The following SV2B variants were observed in gnomAD, a reference collection of about 807,000 sequenced individuals.
SV2B encodes solute carrier family 22 member B2.
A neutral mutation model predicts 73.9 loss-of-function variants in SV2B; 41 were observed. The observed-to-expected ratio is 0.56, with a 90% CI of 0.43 to 0.72. SV2B has a LOEUF of 0.72. Ranked by LOEUF, SV2B falls within the 30% of genes least tolerant of loss-of-function variation. The pLI is 0.00. For synonymous variants in SV2B, 314 were observed against 314.2 expected, an observed-to-expected ratio of 1.00 and a Z score of 0.01; for missense variants, 764 against 857.8, an observed-to-expected ratio of 0.89 and a Z score of 1.37.
At position 91,141,888 on chromosome 15, in the gene SV2B, A is replaced by T. The variant is rs2043007708; in HGVS notation, c.-392+41525A>T. Among the ~76,000 whole-genome samples the T allele has an allele frequency of 6.6e-6, 1 of 152,178 alleles. No individual in the cohort carries two copies. Among genetic ancestry groups the T allele is most frequent in the African/African-American group, 2.4e-5 (1 of 41,436 alleles). ...CTGACACTGTCGGACGGGAATTGGC[A>T]GTAGAGAACACAGGGTCCCACAGTG... On this transcript the variant is annotated intron_variant, in intron 1 of 12. Transcript: ENST00000394232. The surrounding 1 kb of genome is among the most constrained non-coding windows in gnomAD (Gnocchi z 4.6).
chr15:91,216,871 G>T (rs1366093010), intron 1 of SV2B, among the ~76,000 whole-genome samples: 3 of 149,292 alleles, frequency 2.0e-5, no homozygotes, highest in African/African-American at 7.5e-5. Context: ...CATCAGCAAG[G>T]CACTGAATAA....
intron 1 of SV2B, among the ~76,000 whole-genome samples, chr15:91,154,432 C>T (rs935483636): frequency 6.6e-6 from 1 of 152,114 alleles, no homozygotes; most frequent in Non-Finnish European, 1.5e-5. Context: ...GAATATTAGA[C>T]AGGCAGATTG....
rs772007835 is a variant in SV2B at position 91,239,808 on chromosome 15, T to C, written c.452-12011T>C. 6.6e-6 allele frequency among the ~76,000 whole-genome samples: 1 copy of C among 152,218 alleles called. No homozygotes were observed. Among genetic ancestry groups the C allele is most frequent in the Non-Finnish European group, 1.5e-5 (1 of 68,042 alleles). ...GTGGTACCAGAGTTGGTTCGATGAC[T>C]CACTGATGTCAGGGCATGAGGTTGG... On this transcript the variant is annotated intron_variant, in intron 2 of 12. Coordinates refer to ENST00000394232, the MANE Select transcript of SV2B (RefSeq NM_001323032.3). The surrounding 1 kb of genome is among the most constrained non-coding windows in gnomAD (Gnocchi z 5.1).
chr15:91,197,640 A>G lies in SV2B; in HGVS notation c.-391-28233A>G, dbSNP rs984876958. The stretch of plus-strand genomic sequence containing the variant: ...AGAGTTATCCCTAGGAATACTATAT[A>G]GCAGTTCAGCTACATTAATTACAAC... On this transcript the variant is annotated intron_variant, in intron 1 of 12. Coordinates refer to ENST00000394232, the MANE Select transcript of SV2B (RefSeq NM_001323032.3). The surrounding 1 kb of genome is among the most constrained non-coding windows in gnomAD (Gnocchi z 4.9). Among the ~76,000 whole-genome samples, 1 of 152,250 alleles carries G rather than the reference A, an allele frequency of 6.6e-6. No homozygotes were observed. Among genetic ancestry groups the G allele is most frequent in the African/African-American group, 2.4e-5 (1 of 41,464 alleles).
rs1333154399 is a variant in SV2B at position 91,241,675 on chromosome 15, C to G, written c.452-10144C>G. ...CTTCCTCGCTGCCTCTGTGCTGACCCCGTATTCTTGTGACAGTGGAGGAGG... is the reference window on the plus strand; with the variant it reads ...CTTCCTCGCTGCCTCTGTGCTGACCGCGTATTCTTGTGACAGTGGAGGAGG... On this transcript the variant is annotated intron_variant, in intron 2 of 12. Coordinates refer to ENST00000394232, the MANE Select transcript of SV2B (RefSeq NM_001323032.3). The surrounding 1 kb of genome is among the most constrained non-coding windows in gnomAD (Gnocchi z 4.8). Among the ~76,000 whole-genome samples the G allele has an allele frequency of 6.6e-6, 1 of 152,164 alleles. No homozygotes were observed. Among genetic ancestry groups the G allele is most frequent in the East Asian group, 1.9e-4 (1 of 5,188 alleles).
rs1357397725 is a variant in SV2B at position 91,236,222 on chromosome 15, C to T, written c.451+9508C>T. Among the ~76,000 whole-genome samples the T allele has an allele frequency of 1.3e-5, 2 of 152,190 alleles. No individual in the cohort carries two copies. The highest frequency in any genetic ancestry group is 1.3e-4 in the Admixed American group (2 of 15,274). ...TGTTTTTCCTCCACAGTTAAGTGCA[C>T]CCTTCTGGAAGACCTGGTAAATGAA... On this transcript the variant is annotated intron_variant, in intron 2 of 12. Transcript: ENST00000394232. This position sits in a 1 kb window ranked among gnomAD's most constrained non-coding sequence, Gnocchi z 4.1.
chr15:91,148,755 A>C (rs1339463354), intron 1 of SV2B, among the ~76,000 whole-genome samples: 1 of 152,182 alleles, frequency 6.6e-6, no homozygotes, highest in African/African-American at 2.4e-5. Context: ...CTGATGGTGT[A>C]AGGTCCAGTC....
rs547411011 is a variant in SV2B at position 91,112,353 on chromosome 15, G to A, written c.-392+11990G>A. Among the ~76,000 whole-genome samples the A allele has an allele frequency of 1.2e-4, 19 of 152,286 alleles. No homozygotes were observed. The South Asian group carries it at 3.9e-3, about 32-fold the overall frequency. The stretch of plus-strand genomic sequence containing the variant: ...CGCCGCTGTCCTGTGCTTCAGCCAC[G>A]ATGTGTGGCCGGGTGTGAATTAAGC... On this transcript the variant is annotated intron_variant, in intron 1 of 12. Coordinates refer to ENST00000394232, the MANE Select transcript of SV2B (RefSeq NM_001323032.3).
At position 91,137,690 on chromosome 15, in the gene SV2B, A is replaced by G. The variant is rs867936489; in HGVS notation, c.-392+37327A>G. On this transcript the variant is annotated intron_variant, in intron 1 of 12. Coordinates refer to ENST00000394232, the MANE Select transcript of SV2B (RefSeq NM_001323032.3). The surrounding 1 kb of genome is among the most constrained non-coding windows in gnomAD (Gnocchi z 4.9). Reference sequence around the variant, plus strand: ...ATATATTTCATATATATATACACACACACACACATTTGCACAGGTTATTAA... The same window carrying G: ...ATATATTTCATATATATATACACACGCACACACATTTGCACAGGTTATTAA... Among the ~76,000 whole-genome samples the G allele has an allele frequency of 6.9e-6, 1 of 144,596 alleles. No homozygotes were observed. Among genetic ancestry groups the G allele is most frequent in the Middle Eastern group, 3.6e-3 (1 of 278 alleles). The allele number at this position is 144,596 out of a possible 152,430, so 94.9% of individuals were successfully genotyped here.
At chr15:91,109,372 C>T (rs2151725238) in intron 1 of SV2B, among the ~76,000 whole-genome samples, 1 of 152,348 alleles carries the variant, frequency 6.6e-6, no homozygotes, top group South Asian at 2.1e-4. Flanking sequence ...TTAAGTACTT[C>T]TTATGTCAAC....
In SV2B at chr15:91,100,543, C is replaced by T. The variant is rs2041694549; in HGVS notation, c.-392+180C>T. 1.3e-5 allele frequency among the ~76,000 whole-genome samples: 2 copies of T among 152,238 alleles called. No individual in the cohort carries two copies. Among genetic ancestry groups the T allele is most frequent in the African/African-American group, 4.8e-5 (2 of 41,472 alleles). ...GTCTTGAAAAACCGGCGCAGAAAAG[C>T]AAGGACTTGCCCGCTGCCTGGAGCT... On this transcript the variant is annotated intron_variant, in intron 1 of 12. Transcript: ENST00000394232. This position sits in a 1 kb window ranked among gnomAD's most constrained non-coding sequence, Gnocchi z 6.4.
chr15:91,269,548 G>C (rs6496781), intron 9 of SV2B, among the ~76,000 whole-genome samples: 54,190 of 151,682 alleles, frequency 0.36, 10,606 homozygotes, highest in African/African-American at 0.5. Flanking sequence ...GGTGAATGTT[G>C]TATCTCCCTC....
rs2049088619 is a variant in SV2B at position 91,292,709 on chromosome 15, A to G, written c.*157A>G. 3 of 877,796 alleles carry G rather than the reference A, an allele frequency of 3.4e-6. No homozygotes were observed. The South Asian group carries it at 6.1e-5, about 18-fold the overall frequency. The allele number at this position is 877,796 out of a possible 1,614,324, so 54.4% of individuals were successfully genotyped here. ...AGTTTAGGACCCACTTCAGCTGTCA[A>G]TATGTTTGTAACTCAGGTGACTGAT... On this transcript the variant is annotated 3_prime_UTR_variant, in exon 13 of 13. Transcript: ENST00000394232.
Position 91,224,516 on chromosome 15 carries a change from C to G in SV2B, c.-391-1357C>G, listed in dbSNP as rs992814200. Among the ~76,000 whole-genome samples, 15 of 152,154 alleles carry G rather than the reference C, an allele frequency of 9.9e-5. No homozygotes were observed. Among genetic ancestry groups the G allele is most frequent in the African/African-American group, 3.6e-4 (15 of 41,430 alleles). ...CAAATCTGGATTTCTGAGCTTGAAG[C>G]AGCCCTTCTTCATTACGCTCTGGGA... On this transcript the variant is annotated intron_variant, in intron 1 of 12. Transcript: ENST00000394232. The surrounding 1 kb of genome is among the most constrained non-coding windows in gnomAD (Gnocchi z 4.9).
chr15:91,113,788 T>A (rs558456161), intron 1 of SV2B, among the ~76,000 whole-genome samples: 1 of 152,340 alleles, frequency 6.6e-6, no homozygotes, highest in African/African-American at 2.4e-5. Flanking sequence ...CAGACAAGTT[T>A]AACTTCACAG....
rs541191689 is a variant in SV2B at position 91,227,121 on chromosome 15, C to T, written c.451+407C>T. ...GGAAGAGATCTCTGGCTGGTCTCTT[C>T]CACTTGGTCCTTCTCTCTGTGTCTT... On this transcript the variant is annotated intron_variant, in intron 2 of 12. Coordinates refer to ENST00000394232, the MANE Select transcript of SV2B (RefSeq NM_001323032.3). The surrounding 1 kb of genome is among the most constrained non-coding windows in gnomAD (Gnocchi z 4.5). Among the ~76,000 whole-genome samples, 3 of 152,270 alleles carry T rather than the reference C, an allele frequency of 2.0e-5. No homozygotes were observed. The highest frequency in any genetic ancestry group is 4.8e-5 in the African/African-American group (2 of 41,550).
At chr15:91,147,011 G>T (rs1018685606) in intron 1 of SV2B, among the ~76,000 whole-genome samples, 1 of 152,196 alleles carries the variant, frequency 6.6e-6, no homozygotes, top group Non-Finnish European at 1.5e-5. Flanking sequence ...GAGCCTACAC[G>T]TTGGCTGTAA....
At position 91,147,960 on chromosome 15, in the gene SV2B, C is replaced by T. The variant is rs938107359; in HGVS notation, c.-392+47597C>T. Among the ~76,000 whole-genome samples the T allele has an allele frequency of 3.4e-5, 5 of 145,536 alleles. No homozygotes were observed. The East Asian group carries it at 6.0e-4, about 17-fold the overall frequency. ...TGTTTGTTCCCCACCCCGCACCCCCCCCAACTTTTTTTTTTTTTTTTTTTT... is the reference window on the plus strand; with the variant it reads ...TGTTTGTTCCCCACCCCGCACCCCCTCCAACTTTTTTTTTTTTTTTTTTTT... On this transcript the variant is annotated intron_variant, in intron 1 of 12. Coordinates refer to ENST00000394232, the MANE Select transcript of SV2B (RefSeq NM_001323032.3).
Position 91,224,920 on chromosome 15 carries a change from A to G in SV2B, c.-391-953A>G, listed in dbSNP as rs1350683974. Among the ~76,000 whole-genome samples, 1 of 152,170 alleles carries G rather than the reference A, an allele frequency of 6.6e-6. No individual in the cohort carries two copies. The highest frequency in any genetic ancestry group is 1.5e-5 in the Non-Finnish European group (1 of 68,028). On this transcript the variant is annotated intron_variant, in intron 1 of 12. Coordinates refer to ENST00000394232, the MANE Select transcript of SV2B (RefSeq NM_001323032.3). The surrounding 1 kb of genome is among the most constrained non-coding windows in gnomAD (Gnocchi z 4.9). ...GAGGGACTCTGATTGGAATTGGGAT[A>G]TAGGATGAGATCTTGGCTCTAGACA...
Sources: gnomAD v4.1 joint callset for allele counts (sites outside exome capture counted in the v4.1 genomes callset) on GRCh38, gnomAD v4.1.1 for gene constraint, Gnocchi (gnomAD v3.1) non-coding constraint, MANE v1.5 for transcripts, NCBI Gene and HGNC (gene_info 2026-07-23, HGNC 2026-07-21) for gene names.